Variants in KATNBL1 observed in about 807,000 individuals in gnomAD.
The protein encoded by KATNBL1 is katanin regulatory subunit B1 like 1.
KATNBL1 carries 28 observed loss-of-function variants against 44.7 expected under a neutral mutation model. The ratio of observed to expected loss-of-function variants is 0.63; its 90% CI spans 0.46 to 0.86. The LOEUF is 0.86. Among genes scored for constraint, KATNBL1 ranks in the 40% least tolerant of loss-of-function variants. The pLI is 0.00. For synonymous variants in KATNBL1, 78 were observed against 114.9 expected (o/e 0.68, Z 2.06); for missense variants, 272 against 350.7 (o/e 0.78, Z 1.79).
rs909205161 is a variant in KATNBL1, at chr15:34,201,944, G to C, written c.-15+8007C>G. 5.3e-5 allele frequency among the ~76,000 whole-genome samples: 8 copies of C among 152,118 alleles called. No homozygotes were observed. In the East Asian group the frequency reaches 7.7e-4, roughly 15 times the overall value. Reference sequence around the variant, plus strand: ...TTTACATAGCATTTACATTGTACTAGATATTACAAATAATTTAGAAATTAT... The same window carrying C: ...TTTACATAGCATTTACATTGTACTACATATTACAAATAATTTAGAAATTAT... On this transcript the variant is annotated intron_variant, in intron 1 of 9. Transcript: ENST00000256544.
In KATNBL1 at chr15:34,207,037, C is replaced by CT. The variant is rs10713100; in HGVS notation, c.-15+2913dup. 1.8e-3 allele frequency among the ~76,000 whole-genome samples: 250 copies of CT among 140,132 alleles called. 1 individual carries two copies. The highest frequency in any genetic ancestry group is 5.6e-3 in the African/African-American group (215 of 38,116). The allele number at this position is 140,132 out of a possible 152,430, so 91.9% of individuals were successfully genotyped here. ...TGCATCTTGTTGTTACTAGACAATA[C>CT]TTTTTTTTTTTTTTTTCCCTGAGAC... On this transcript the variant is annotated intron_variant, in intron 1 of 9. Transcript: ENST00000256544.
At chr15:34,156,987 C>G (rs377425536) in intron 2 of KATNBL1, among the ~76,000 whole-genome samples, 6 of 152,202 alleles carry the variant, frequency 3.9e-5, no homozygotes, top group Middle Eastern at 3.2e-3. Flanking sequence ...TCAGTTTATA[C>G]TGGAATCTCC....
Position 34,148,696 on chromosome 15 carries a change from A to G in KATNBL1, c.493T>C (p.Leu165=), listed in dbSNP as rs1045948885. The change falls in exon 5 of 10, where the codon TTG becomes CTG. Residue 165 remains leucine, a synonymous_variant. Transcript: ENST00000256544. ...CTCCAGAAAGTTAAAGCTACATTCA[A>G]TCTCATATTCCTGCTGAACAAAACT... ...AQVLFSRNMR[L]NVALTFWRKR... is the part of the protein sequence containing the mutation. 1.9e-6 allele frequency: 3 copies of G among 1,612,998 alleles called. No homozygotes were observed. The African/African-American group carries it at 4.0e-5, about 22-fold the overall frequency.
chr15:34,193,851 C>CAAAAAAAAAAAAAAAAAAAAAAAA (rs58951561), intron 1 of KATNBL1, among the ~76,000 whole-genome samples: 1 of 63,552 alleles, frequency 1.6e-5, no homozygotes, highest in Non-Finnish European at 2.8e-5. Flanking sequence ...GGCCCTGTCT[C>CAAAAAAAAAAAAAAAAAAAAAAAA]AAAAAAAAAA....
chr15:34,199,868 G>C (rs979831171), intron 1 of KATNBL1: 1 of 152,100 alleles, frequency 6.6e-6, no homozygotes, highest in African/African-American at 2.4e-5. Flanking sequence ...AGTTTCCACG[G>C]TGTGGAAGAT....
At chr15:34,161,759 C>CT (rs1888815725) in intron 2 of KATNBL1, among the ~76,000 whole-genome samples, 1 of 151,958 alleles carries the variant, frequency 6.6e-6, no homozygotes, top group Non-Finnish European at 1.5e-5. Flanking sequence ...GAGCAGGTGA[C>CT]TAAGATGACT....
At chr15:34,189,432 T>C (rs1315163399) in intron 1 of KATNBL1, among the ~76,000 whole-genome samples, 1 of 152,242 alleles carries the variant, frequency 6.6e-6, no homozygotes, top group Non-Finnish European at 1.5e-5. Context: ...CAAATAAGTC[T>C]AATAAGTCTC....
chr15:34,169,663 T>C (rs1196470613), intron 1 of KATNBL1, among the ~76,000 whole-genome samples: 3 of 152,218 alleles, frequency 2.0e-5, no homozygotes, highest in Non-Finnish European at 2.9e-5. Flanking sequence ...CCAATATCCC[T>C]GATGAACACT....
At chr15:34,161,196 C>T (rs975972579) in intron 2 of KATNBL1, among the ~76,000 whole-genome samples, 1 of 152,206 alleles carries the variant, frequency 6.6e-6, no homozygotes, top group Admixed American at 6.5e-5. Flanking sequence ...TACTTTGTCA[C>T]TCTTGTGACG....
intron 2 of KATNBL1, among the ~76,000 whole-genome samples, chr15:34,157,277 T>C (rs1324835694): frequency 6.6e-6 from 1 of 152,186 alleles, no homozygotes; most frequent in East Asian, 1.9e-4. Context: ...AGCCCTAGAA[T>C]AGCTGCCCAT....
At chr15:34,197,847 AAG>A (rs894563041) in intron 1 of KATNBL1, among the ~76,000 whole-genome samples, 6 of 152,290 alleles carry the variant, frequency 3.9e-5, no homozygotes, top group South Asian at 4.1e-4. Context: ...TCCCAGGTTC[AAG>A]AGAGTCTCCT....
At chr15:34,181,655 CATATATATATCCAT>C (rs1179591800) in intron 1 of KATNBL1, among the ~76,000 whole-genome samples, 2 of 94,474 alleles carry the variant, frequency 2.1e-5, no homozygotes, top group Admixed American at 1.1e-4. Context: ...TATATATGTC[CATATATATATCCAT>C]ATATATACAC....
At chr15:34,154,785 C>G (rs1888587358) in intron 2 of KATNBL1, 101 bp from the exon 3 acceptor site, 1 of 795,336 alleles carries the variant, frequency 1.3e-6, no homozygotes, top group Non-Finnish European at 2.2e-6. Context: ...AGGCAATTTA[C>G]TTCTGCAGAA....
chr15:34,193,388 G>T (rs944109200), intron 1 of KATNBL1, among the ~76,000 whole-genome samples: 12 of 151,948 alleles, frequency 7.9e-5, no homozygotes, highest in African/African-American at 2.9e-4. Flanking sequence ...ACAAAAATTA[G>T]GCAGGCGTGG....
At chr15:34,153,598 GTC>G (rs1280344823) in intron 3 of KATNBL1, among the ~76,000 whole-genome samples, 1 of 150,990 alleles carries the variant, frequency 6.6e-6, no homozygotes, top group Non-Finnish European at 1.5e-5. Flanking sequence ...TTGAGATGCA[GTC>G]TCTCTCTGTT....
At chr15:34,171,574 TCCCATTACTGGGTATATA>T (rs1375689431) in intron 1 of KATNBL1, among the ~76,000 whole-genome samples, 1 of 152,194 alleles carries the variant, frequency 6.6e-6, no homozygotes, top group Non-Finnish European at 1.5e-5. Flanking sequence ...GGCCCAGTGA[TCCCATTACTGGGTATATA>T]CCCAAAGGAT....
At chr15:34,192,786 C>T (rs1024322302) in intron 1 of KATNBL1, among the ~76,000 whole-genome samples, 1 of 152,178 alleles carries the variant, frequency 6.6e-6, no homozygotes, top group African/African-American at 2.4e-5. Flanking sequence ...AATCTCTCTC[C>T]TTTTAGAATA....
intron 4 of KATNBL1, among the ~76,000 whole-genome samples, chr15:34,152,223 G>A (rs1888501983): frequency 6.7e-6 from 1 of 149,586 alleles, no homozygotes; most frequent in Admixed American, 6.7e-5. Flanking sequence ...ATTTTTTTGA[G>A]ACGGAGTCGC....
At chr15:34,176,025 G>A (rs1019771184) in intron 1 of KATNBL1, among the ~76,000 whole-genome samples, 2 of 152,160 alleles carry the variant, frequency 1.3e-5, no homozygotes, top group East Asian at 1.9e-4. Context: ...TCCATCAACT[G>A]CTGAATGAAT....
Sources: gnomAD v4.1 joint callset for allele counts (sites outside exome capture counted in the v4.1 genomes callset) on GRCh38, gnomAD v4.1.1 for gene constraint, MANE v1.5 for transcripts, NCBI Gene and HGNC (gene_info 2026-07-23, HGNC 2026-07-21) for gene names.